The following TBC1D9 variants were observed in gnomAD, a reference collection of about 807,000 sequenced individuals.
TBC1D9 encodes the protein TBC1 domain family member 9.
TBC1D9 carries 63 observed loss-of-function variants against 132.0 expected under a neutral mutation model. The ratio of observed to expected loss-of-function variants is 0.48; its 90% CI spans 0.39 to 0.59. The LOEUF (loss-of-function observed/expected upper bound fraction) is 0.59. Among genes scored for constraint, TBC1D9 ranks in the 20% least tolerant of loss-of-function variants. The probability of loss-of-function intolerance (pLI) is 0.00; values close to 1 mark genes in which losing one functional copy is unlikely to be tolerated. For missense variants in TBC1D9, 1,261 were observed against 1,592.7 expected (o/e 0.79, Z 3.54); for synonymous variants, 610 against 609.9 (o/e 1.00, Z 0.00).
intron 1 of TBC1D9, among the ~76,000 whole-genome samples, chr4:140,723,530 C>T (rs538100143): frequency 2.1e-4 from 32 of 152,064 alleles, no homozygotes; most frequent in Non-Finnish European, 1.2e-4. Context: ...GACAGGGTTT[C>T]GCCATAGTGG....
At chr4:140,713,737 C>G (rs1465718741) in intron 1 of TBC1D9, among the ~76,000 whole-genome samples, 2 of 112,860 alleles carry the variant, frequency 1.8e-5, no homozygotes, top group African/African-American at 7.8e-5. Flanking sequence ...GACCCTATCT[C>G]TGAAAAAGAA....
chr4:140,713,469 A>G (rs1738281510), intron 1 of TBC1D9, among the ~76,000 whole-genome samples: 2 of 152,164 alleles, frequency 1.3e-5, no homozygotes, highest in African/African-American at 2.4e-5. Flanking sequence ...TAGGCCAGGT[A>G]CAGTGGACTG....
At chr4:140,697,440 C>T (rs540582221) in intron 2 of TBC1D9, among the ~76,000 whole-genome samples, 81 of 152,206 alleles carry the variant, frequency 5.3e-4, no homozygotes, top group African/African-American at 1.9e-3. Context: ...TTTCACAACG[C>T]CTGTCACTTC....
intron 5 of TBC1D9, 39 bp downstream of exon 5, chr4:140,678,903 T>C (rs1421461634): frequency 1.3e-6 from 2 of 1,598,230 alleles, no homozygotes; most frequent in Non-Finnish European, 1.7e-6. Flanking sequence ...GAGTTTCTCA[T>C]TTCTAAAGTC....
intron 13 of TBC1D9, chr4:140,643,046 C>T: frequency 8.4e-7 from 1 of 1,184,468 alleles, no homozygotes; most frequent in Non-Finnish European, 1.2e-6. Context: ...GGTACATCCG[C>T]TCCTCCTTCT....
chr4:140,732,595 A>T (rs1470473734), intron 1 of TBC1D9, among the ~76,000 whole-genome samples: 1 of 152,236 alleles, frequency 6.6e-6, no homozygotes, highest in Non-Finnish European at 1.5e-5. Flanking sequence ...TATTTAATTA[A>T]CTGAAATGAA....
intron 1 of TBC1D9, among the ~76,000 whole-genome samples, chr4:140,714,950 G>C (rs763972966): frequency 6.6e-6 from 1 of 152,062 alleles, no homozygotes; most frequent in African/African-American, 2.4e-5. Flanking sequence ...GTGAGATCCT[G>C]TCTCTACAAA....
intron 1 of TBC1D9, among the ~76,000 whole-genome samples, chr4:140,736,849 CCACT>C (rs1212719972): frequency 6.6e-6 from 1 of 152,152 alleles, no homozygotes; most frequent in Non-Finnish European, 1.5e-5. Context: ...TATCTGGACC[CCACT>C]CTTCTCTCCA....
intron 2 of TBC1D9, among the ~76,000 whole-genome samples, chr4:140,687,525 T>C (rs903109105): frequency 2.0e-5 from 3 of 151,536 alleles, no homozygotes; most frequent in Non-Finnish European, 4.4e-5. Flanking sequence ...GTCTTTTCTC[T>C]CTGTTCTTTG....
At chr4:140,722,312 T>A (rs930745685) in intron 1 of TBC1D9, among the ~76,000 whole-genome samples, 1 of 152,192 alleles carries the variant, frequency 6.6e-6, no homozygotes, top group East Asian at 1.9e-4. Context: ...CAATGTAAAC[T>A]GCAACCAAGT....
chr4:140,636,323 AG>A (rs959658694), intron 15 of TBC1D9, among the ~76,000 whole-genome samples: 4 of 152,170 alleles, frequency 2.6e-5, no homozygotes, highest in Admixed American at 2.6e-4. Context: ...AAGTCTGTGC[AG>A]TAAGCTCCTT....
In TBC1D9 at chr4:140,639,135, T is replaced by G. The variant is rs1415037751; in HGVS notation, c.2456A>C (p.Glu819Ala). Residue 819 changes from glutamate (E) to alanine (A), a missense_variant, in exon 15 of 21, where the codon GAA (glutamate) becomes GCA (alanine). By Grantham distance (107) the Glu-to-Ala change is moderately radical. Transcript: ENST00000442267. ...CAGCTCATCAATGGTAAAGGAAGTT[T>G]CTGTCACAATGGTTCGTACCTATAA... ...KRNVVRTIVT[E>A]TSFTIDELEE... 6.3e-7 allele frequency: 1 copy of G among 1,586,682 alleles called. No individual in the cohort carries two copies. Among genetic ancestry groups the G allele is most frequent in the Non-Finnish European group, 8.6e-7 (1 of 1,165,024 alleles).
chr4:140,718,985 G>A (rs1330413587), intron 1 of TBC1D9, among the ~76,000 whole-genome samples: 1 of 151,922 alleles, frequency 6.6e-6, no homozygotes, highest in Non-Finnish European at 1.5e-5. Context: ...TGGCTGTGGT[G>A]GGTGCCTGTA....
At chr4:140,654,910 T>C (rs1737242538) in intron 13 of TBC1D9, among the ~76,000 whole-genome samples, 1 of 152,180 alleles carries the variant, frequency 6.6e-6, no homozygotes, top group South Asian at 2.1e-4. Context: ...CAAGTTTATC[T>C]TAGAATGCTA....
chr4:140,712,711 C>A (rs925290652), intron 1 of TBC1D9, among the ~76,000 whole-genome samples: 2 of 150,962 alleles, frequency 1.3e-5, no homozygotes, highest in African/African-American at 4.9e-5. Context: ...CCATTGTACT[C>A]CAGCCCGGGC....
intron 1 of TBC1D9, among the ~76,000 whole-genome samples, chr4:140,709,240 TCTCTCTCTCACACA>T (rs1302700143): frequency 4.6e-5 from 5 of 109,544 alleles, no homozygotes; most frequent in African/African-American, 1.9e-4. Context: ...TCTCTCTCTC[TCTCTCTCTCACACA>T]CACACACACA....
At chr4:140,730,191 G>A (rs958894843) in intron 1 of TBC1D9, among the ~76,000 whole-genome samples, 1 of 152,168 alleles carries the variant, frequency 6.6e-6, no homozygotes, top group Non-Finnish European at 1.5e-5. Context: ...GATATGATAA[G>A]TAAGCCTGCA....
Position 140,622,395 on chromosome 4 carries a change from G to C in TBC1D9, c.3601C>G (p.Arg1201Gly), listed in dbSNP as rs1041510624. Residue 1201 changes from arginine (R) to glycine (G), a missense_variant, in exon 21 of 21, where the codon CGG (arginine) becomes GGG (glycine). Arg to Gly is a moderately radical substitution (Grantham distance 125, BLOSUM62 -2). Coordinates refer to ENST00000442267, the MANE Select transcript of TBC1D9 (RefSeq NM_015130.3). Reference protein sequence around the residue: ...RSGQGTAALPRSTSLDRDWAI... With the variant: ...RSGQGTAALPGSTSLDRDWAI... ...CAGTCCCGGTCCAGGCTGGTGCTCC[G>C]GGGCAGTGCCGCCGTGCCCTGGCCG... 5 of 1,612,820 alleles carry C rather than the reference G, an allele frequency of 3.1e-6. No homozygotes were observed. The highest frequency in any genetic ancestry group is 4.2e-6 in the Non-Finnish European group (5 of 1,179,028).
At chr4:140,656,052 G>T (rs190719678) in intron 13 of TBC1D9, among the ~76,000 whole-genome samples, 2 of 152,168 alleles carry the variant, frequency 1.3e-5, no homozygotes, top group African/African-American at 4.8e-5. Flanking sequence ...TATGGTATTA[G>T]ACCCATTAAG....
Sources: gnomAD v4.1 joint callset for allele counts (sites outside exome capture counted in the v4.1 genomes callset) on GRCh38, gnomAD v4.1.1 for gene constraint, MANE v1.5 for transcripts, NCBI Gene and HGNC (gene_info 2026-07-23, HGNC 2026-07-21) for gene names.